VPS37B: variants seen among roughly 807,000 people sequenced by gnomAD.
VPS37B encodes vacuolar protein sorting-associated protein 37B.
A neutral mutation model predicts 21.2 loss-of-function variants in VPS37B; 11 were observed. That is an observed-to-expected ratio of 0.52 (90% CI 0.33 to 0.86). The LOEUF (loss-of-function observed/expected upper bound fraction) is 0.86. VPS37B is among the 40% of genes least tolerant of loss of function. VPS37B has a pLI of 0.03. For missense variants in VPS37B, 389 were observed against 374.8 expected, an observed-to-expected ratio of 1.04 and a Z score of -0.31; for synonymous variants, 175 against 159.6, an observed-to-expected ratio of 1.10 and a Z score of -0.73.
intron 1 of VPS37B, chr12:122,884,429 C>T (rs1181917054): frequency 6.6e-6 from 1 of 152,202 alleles, no homozygotes; most frequent in Non-Finnish European, 1.5e-5. Flanking sequence ...ACTCAGTTGA[C>T]AGTTTTTGTA....
chr12:122,868,581 G>T lies in VPS37B; in HGVS notation c.284-19C>A. ...TGTCTGTCTGGAAAAAAAGCAAGAGGTATGACAAAAGTGAGAGGTGTCCAG... is the reference window on the plus strand; with the variant it reads ...TGTCTGTCTGGAAAAAAAGCAAGAGTTATGACAAAAGTGAGAGGTGTCCAG... On this transcript the variant is annotated intron_variant, in intron 2 of 3. Coordinates refer to ENST00000267202, the MANE Select transcript of VPS37B (RefSeq NM_024667.3). The surrounding 1 kb of genome is among the most constrained non-coding windows in gnomAD (Gnocchi z 5.5). 1 of 1,610,106 alleles carries T rather than the reference G, an allele frequency of 6.2e-7. No individual in the cohort carries two copies. Among genetic ancestry groups the T allele is most frequent in the Non-Finnish European group, 8.5e-7 (1 of 1,178,110 alleles).
In VPS37B at chr12:122,866,107, C is replaced by G. The variant is rs2033894300; in HGVS notation, c.*1009G>C. 1 of 152,670 alleles carries G rather than the reference C, an allele frequency of 6.6e-6. No individual in the cohort carries two copies. Among genetic ancestry groups the G allele is most frequent in the Admixed American group, 6.5e-5 (1 of 15,284 alleles). 9.5% of individuals were successfully genotyped at this position (152,670 alleles called of 1,614,324 possible). A position where few individuals can be genotyped will look rare whatever the true frequency, so the allele number is the denominator to read the frequency against. ...AACAGGGCAATGAACTTGGACAAGCCCTTCAGAGAAAGCAGAGCCGGGGCC... is the reference window on the plus strand; with the variant it reads ...AACAGGGCAATGAACTTGGACAAGCGCTTCAGAGAAAGCAGAGCCGGGGCC... On this transcript the variant is annotated 3_prime_UTR_variant, in exon 4 of 4. Transcript: ENST00000267202.
chr12:122,885,884 C>G (rs2034319875), intron 1 of VPS37B: 1 of 150,838 alleles, frequency 6.6e-6, no homozygotes. Context: ...GGGGTTTCAC[C>G]GTGTTAGCCA....
At chr12:122,885,676 T>G (rs2034312053) in intron 1 of VPS37B, 1 of 84,796 alleles carries the variant, frequency 1.2e-5, no homozygotes, top group Non-Finnish European at 2.2e-5. Flanking sequence ...ACATTATTAT[T>G]ATTATTTTTT....
At chr12:122,883,482 TTTC>T (rs1488380518) in intron 1 of VPS37B, 1 of 152,082 alleles carries the variant, frequency 6.6e-6, no homozygotes, top group African/African-American at 2.4e-5. Flanking sequence ...GAAGACATAT[TTTC>T]TTTTCTTTTT....
At chr12:122,893,283 T>G (rs558811083) in intron 1 of VPS37B, among the ~76,000 whole-genome samples, 7 of 152,184 alleles carry the variant, frequency 4.6e-5, no homozygotes, top group Admixed American at 3.9e-4. Flanking sequence ...ATAGGCATCA[T>G]CTCACCTGAT....
At chr12:122,875,870 T>C (rs926667317) in intron 1 of VPS37B, 2 of 151,838 alleles carry the variant, frequency 1.3e-5, no homozygotes, top group African/African-American at 4.8e-5. Flanking sequence ...AAAAAAATCT[T>C]AAGTTGCCAC....
rs1423939067 is a variant in VPS37B, at chr12:122,895,917, C to G, written c.111+35G>C. On this transcript the variant is annotated intron_variant, in intron 1 of 3. Coordinates refer to ENST00000267202, the MANE Select transcript of VPS37B (RefSeq NM_024667.3). ...TCGAGGAGCGAACCCCGCTCGAGGC[C>G]TCACAGCCGCCGCCTTAAGCCCAGC... The G allele has an allele frequency of 2.1e-5, 33 of 1,600,808 alleles. No individual in the cohort carries two copies. In the Admixed American group the frequency reaches 5.5e-4, roughly 27 times the overall value.
At position 122,866,933 on chromosome 12, in the gene VPS37B, G is replaced by T; in HGVS notation, c.*183C>A. ...AGGCTGTAACCCGGCACACACAACT[G>T]CCTTGATGCCCAAAGCCTGGGCTCC... On this transcript the variant is annotated 3_prime_UTR_variant, in exon 4 of 4. Transcript: ENST00000267202. 1.5e-6 allele frequency: 1 copy of T among 652,260 alleles called. No homozygotes were observed. Among genetic ancestry groups the T allele is most frequent in the Non-Finnish European group, 2.3e-6 (1 of 429,366 alleles). The allele number at this position is 652,260 out of a possible 1,614,324, so 40.4% of individuals were successfully genotyped here.
chr12:122,891,908 C>T (rs1199091768), intron 1 of VPS37B, among the ~76,000 whole-genome samples: 1 of 152,202 alleles, frequency 6.6e-6, no homozygotes, highest in African/African-American at 2.4e-5. Context: ...TGCATGCGGG[C>T]ATGGGCATTT....
In VPS37B at chr12:122,867,233, C is replaced by A. The variant is rs1362911708; in HGVS notation, c.741G>T (p.Val247=). 1 of 1,571,200 alleles carries A rather than the reference C, an allele frequency of 6.4e-7. No individual in the cohort carries two copies. The highest frequency in any genetic ancestry group is 1.9e-5 in the Admixed American group (1 of 52,766). Residue 247 remains valine (V), a synonymous_variant, in exon 4 of 4, where the codon GTG becomes GTT. Coordinates refer to ENST00000267202, the MANE Select transcript of VPS37B (RefSeq NM_024667.3). This position sits in a 1 kb window ranked among gnomAD's most constrained non-coding sequence, Gnocchi z 5.5. ...GLQCPPLPPR[V]GLPTQQGFSS... is the part of the protein sequence containing the mutation. ...AGAATCCTTGCTGAGTGGGGAGGCC[C>A]ACGCGGGGGGGCAGGGGCGGGCACT...
Position 122,866,926 on chromosome 12 carries a change from C to A in VPS37B, c.*190G>T. 1.6e-6 allele frequency: 1 copy of A among 606,890 alleles called. No individual in the cohort carries two copies. The highest frequency in any genetic ancestry group is 1.9e-5 in the African/African-American group (1 of 52,684). The allele number at this position is 606,890 out of a possible 1,614,324, so 37.6% of individuals were successfully genotyped here. ...AGGTGTCAGGCTGTAACCCGGCACA[C>A]ACAACTGCCTTGATGCCCAAAGCCT... is the stretch of plus-strand genomic sequence containing the variant. On this transcript the variant is annotated 3_prime_UTR_variant, in exon 4 of 4. Transcript: ENST00000267202.
rs535035970 is a variant in VPS37B at position 122,867,751 on chromosome 12, C to A, written c.367-144G>T. ...CCACCCAGAGGGCCTCGCTCCTGCT[C>A]CAGATCCCAGAGGTCATGGGCTCAG... On this transcript the variant is annotated intron_variant, in intron 3 of 3. Coordinates refer to ENST00000267202, the MANE Select transcript of VPS37B (RefSeq NM_024667.3). The surrounding 1 kb of genome is among the most constrained non-coding windows in gnomAD (Gnocchi z 5.5). The A allele has an allele frequency of 3.8e-5, 41 of 1,091,814 alleles. No individual in the cohort carries two copies. In the South Asian group the frequency reaches 5.7e-4, roughly 15 times the overall value. 67.6% of individuals were successfully genotyped at this position (1,091,814 alleles called of 1,614,324 possible).
intron 1 of VPS37B, chr12:122,872,138 G>A: frequency 1.0e-6 from 1 of 985,474 alleles, no homozygotes; most frequent in Non-Finnish European, 1.2e-6. Flanking sequence ...TCCTGGCCAT[G>A]CTGCCTCTGC....
At chr12:122,885,717 T>C (rs2034315634) in intron 1 of VPS37B, 1 of 139,276 alleles carries the variant, frequency 7.2e-6, no homozygotes, top group African/African-American at 2.7e-5. Flanking sequence ...GGAGTCTCGC[T>C]CTGTCGCCCA....
intron 1 of VPS37B, chr12:122,878,886 A>G (rs566076385): frequency 6.6e-6 from 1 of 152,194 alleles, no homozygotes; most frequent in Admixed American, 6.5e-5. Context: ...TCCTGGCCTC[A>G]AGTGATCTGC....
chr12:122,886,809 A>C (rs1339871490), intron 1 of VPS37B: 1 of 152,182 alleles, frequency 6.6e-6, no homozygotes, highest in Non-Finnish European at 1.5e-5. Context: ...ATCTTATTTA[A>C]TCCTCAGAAT....
rs779647281 is a variant in VPS37B at position 122,871,038 on chromosome 12, T to C, written c.135A>G (p.Lys45=). The C allele has an allele frequency of 6.2e-7, 1 of 1,614,196 alleles. No individual in the cohort carries two copies. Among genetic ancestry groups the C allele is most frequent in the Admixed American group, 1.7e-5 (1 of 60,020 alleles). Residue 45 remains lysine, a synonymous_variant, in exon 2 of 4, where the codon AAA becomes AAG. Coordinates refer to ENST00000267202, the MANE Select transcript of VPS37B (RefSeq NM_024667.3). ...TCCGGTTGCTGGCAAGTGTCATTTC[T>C]TTGTTAAGCTGAACATTCTGTGTCT... is the stretch of plus-strand genomic sequence containing the variant. ...MEETQNVQLN[K]EMTLASNRSL...
chr12:122,868,390 G>A lies in VPS37B; in HGVS notation c.366+90C>T. 1 of 1,205,928 alleles carries A rather than the reference G, an allele frequency of 8.3e-7. No individual in the cohort carries two copies. The highest frequency in any genetic ancestry group is 1.2e-6 in the Non-Finnish European group (1 of 832,736). 74.7% of individuals were successfully genotyped at this position (1,205,928 alleles called of 1,614,324 possible). ...CCTGGGAGGCACCACTCCTGGCCGT[G>A]GCGGTGTGGCACTCACGGTCCCTGG... is the stretch of plus-strand genomic sequence containing the variant. On this transcript the variant is annotated intron_variant, in intron 3 of 3. Coordinates refer to ENST00000267202, the MANE Select transcript of VPS37B (RefSeq NM_024667.3). The surrounding 1 kb of genome is among the most constrained non-coding windows in gnomAD (Gnocchi z 5.5).
Sources: allele counts gnomAD v4.1 joint callset (sites outside exome capture counted in the v4.1 genomes callset), GRCh38; gene constraint gnomAD v4.1.1; non-coding constraint Gnocchi (gnomAD v3.1); transcripts MANE v1.5; gene names NCBI Gene and HGNC (gene_info 2026-07-23, HGNC 2026-07-21).